Variants in NEDD9 observed in about 807,000 individuals in gnomAD.
NEDD9 encodes the protein neural precursor cell expressed, developmentally down-regulated 9, also known as enhancer of filamentation 1.
A neutral mutation model predicts 76.6 loss-of-function variants in NEDD9; 26 were observed. The ratio of observed to expected loss-of-function variants is 0.34; its 90% CI spans 0.25 to 0.47. The LOEUF is 0.47. Among genes scored for constraint, NEDD9 ranks in the 20% least tolerant of loss-of-function variants. The probability of loss-of-function intolerance (pLI) is 1.00; values close to 1 mark genes in which losing one functional copy is unlikely to be tolerated. For synonymous variants in NEDD9, 392 were observed against 414.2 expected (o/e 0.95, Z 0.65); for missense variants, 937 against 1,058.5 (o/e 0.89, Z 1.59).
intron 3 of NEDD9, among the ~76,000 whole-genome samples, chr6:11,264,138 C>T (rs767725426): frequency 6.6e-6 from 1 of 152,228 alleles, no homozygotes; most frequent in Non-Finnish European, 1.5e-5. Context: ...CCTCTGCTGC[C>T]ATTCTTGTAG....
At chr6:11,231,358 T>C (rs1322712052) in intron 1 of NEDD9, among the ~76,000 whole-genome samples, 8 of 152,228 alleles carry the variant, frequency 5.3e-5, no homozygotes, top group Admixed American at 5.2e-4. Context: ...ATAAGATTCA[T>C]AGTTTTTGAA....
intron 1 of NEDD9, among the ~76,000 whole-genome samples, chr6:11,364,203 G>C (rs1762723478): frequency 6.6e-6 from 1 of 152,212 alleles, no homozygotes; most frequent in South Asian, 2.1e-4. Flanking sequence ...AGTATCTACT[G>C]AGCTTCCCTA....
chr6:11,188,278 T>C lies in NEDD9; in HGVS notation c.1935A>G (p.Lys645=). Residue 645 remains lysine, a synonymous_variant, in exon 6 of 7, where the codon AAA becomes AAG. Transcript: ENST00000379446. ...TGATATTCTCTTTTTCCAATAGCTCTTTCTGTTGCCTCTCAAACTCCTCCT... is the reference window on the plus strand; with the variant it reads ...TGATATTCTCTTTTTCCAATAGCTCCTTCTGTTGCCTCTCAAACTCCTCCT... The part of the protein sequence containing the change: ...QGKEEFERQQ[K]ELLEKENIMK... The C allele has an allele frequency of 6.2e-7, 1 of 1,614,146 alleles. No individual in the cohort carries two copies. Among genetic ancestry groups the C allele is most frequent in the Non-Finnish European group, 8.5e-7 (1 of 1,179,976 alleles).
At chr6:11,355,606 C>T (rs549766284) in intron 1 of NEDD9, among the ~76,000 whole-genome samples, 141 of 152,274 alleles carry the variant, frequency 9.3e-4, no homozygotes, top group African/African-American at 3.3e-3. Flanking sequence ...GGTCATTTTA[C>T]TTTTCTGAGC....
intron 1 of NEDD9, among the ~76,000 whole-genome samples, chr6:11,221,490 A>C (rs1759145228): frequency 6.6e-6 from 1 of 152,190 alleles, no homozygotes; most frequent in South Asian, 2.1e-4. Context: ...AGAGTTGATT[A>C]GAGTAGAATT....
chr6:11,266,811 T>C (rs1387531421), intron 3 of NEDD9, among the ~76,000 whole-genome samples: 1 of 152,200 alleles, frequency 6.6e-6, no homozygotes, highest in African/African-American at 2.4e-5. Flanking sequence ...CAAGTCAGGC[T>C]ATTTGAAGTC....
intron 1 of NEDD9, among the ~76,000 whole-genome samples, chr6:11,216,678 C>T (rs1758964026): frequency 6.6e-6 from 1 of 152,184 alleles, no homozygotes; most frequent in Admixed American, 6.5e-5. Context: ...CTTTGCCAGG[C>T]AACAGCATCC....
intron 1 of NEDD9, among the ~76,000 whole-genome samples, chr6:11,227,493 G>A (rs561032653): frequency 4.6e-5 from 7 of 152,250 alleles, no homozygotes; most frequent in Admixed American, 2.0e-4. Flanking sequence ...AAGGTCCAGA[G>A]CTATAAGCCA....
At chr6:11,379,483 G>A (rs1763025681) in intron 1 of NEDD9, among the ~76,000 whole-genome samples, 1 of 152,102 alleles carries the variant, frequency 6.6e-6, no homozygotes, top group Non-Finnish European at 1.5e-5. Context: ...AGCTACTTGG[G>A]AGGCTGAGGC....
chr6:11,340,284 T>C (rs1006262708), intron 1 of NEDD9, among the ~76,000 whole-genome samples: 2 of 152,190 alleles, frequency 1.3e-5, no homozygotes, highest in Non-Finnish European at 2.9e-5. Flanking sequence ...CAGAATTGAG[T>C]GTGGTACCCT....
chr6:11,294,494 G>A (rs888663178), intron 3 of NEDD9, among the ~76,000 whole-genome samples: 1 of 152,036 alleles, frequency 6.6e-6, no homozygotes, highest in African/African-American at 2.4e-5. Context: ...AGCCATATAG[G>A]ATGTGCTGGC....
intron 3 of NEDD9, among the ~76,000 whole-genome samples, chr6:11,290,509 G>T (rs528207667): frequency 6.6e-6 from 1 of 152,304 alleles, no homozygotes; most frequent in Admixed American, 6.5e-5. Flanking sequence ...ACTGGCACTT[G>T]CTCCTTGAGG....
At chr6:11,250,011 G>A (rs1759886229) in intron 3 of NEDD9, among the ~76,000 whole-genome samples, 1 of 152,216 alleles carries the variant, frequency 6.6e-6, no homozygotes, top group African/African-American at 2.4e-5. Context: ...ATGGCTGTCT[G>A]GGTCCTGAAG....
At chr6:11,296,640 T>A (rs1011781458) in intron 3 of NEDD9, among the ~76,000 whole-genome samples, 1 of 134,892 alleles carries the variant, frequency 7.4e-6, no homozygotes. Context: ...CTTCCTTCCT[T>A]CCTTTCCTTC....
At chr6:11,280,823 C>A (rs965208303) in intron 3 of NEDD9, among the ~76,000 whole-genome samples, 1 of 152,218 alleles carries the variant, frequency 6.6e-6, no homozygotes, top group African/African-American at 2.4e-5. Context: ...TTTGCCAAGC[C>A]CTGGCCTCAC....
chr6:11,377,241 C>T (rs756706140), intron 1 of NEDD9, among the ~76,000 whole-genome samples: 5 of 152,220 alleles, frequency 3.3e-5, no homozygotes, highest in Non-Finnish European at 5.9e-5. Context: ...AGTGGAGCTG[C>T]GGAAAGGGGG....
chr6:11,270,771 C>T (rs1467485480), intron 3 of NEDD9, among the ~76,000 whole-genome samples: 1 of 152,200 alleles, frequency 6.6e-6, no homozygotes, highest in African/African-American at 2.4e-5. Context: ...TACGTTCAGT[C>T]TAGCAGGACA....
chr6:11,219,233 A>G (rs1759071466), intron 1 of NEDD9, among the ~76,000 whole-genome samples: 1 of 152,166 alleles, frequency 6.6e-6, no homozygotes, highest in Non-Finnish European at 1.5e-5. Flanking sequence ...TCAAAATGTC[A>G]AGAAAGCTTA....
intron 1 of NEDD9, among the ~76,000 whole-genome samples, chr6:11,223,725 C>G (rs1759218440): frequency 6.6e-6 from 1 of 152,164 alleles, no homozygotes. Context: ...TGCAAATCCC[C>G]CGCACTGCTT....
Sources: allele counts gnomAD v4.1 joint callset (sites outside exome capture counted in the v4.1 genomes callset), GRCh38; gene constraint gnomAD v4.1.1; transcripts MANE v1.5; gene names NCBI Gene and HGNC (gene_info 2026-07-23, HGNC 2026-07-21).